ERO1A: variants seen among roughly 807,000 people sequenced by gnomAD.
ERO1A encodes the protein endoplasmic reticulum oxidoreductase 1 alpha.
A neutral mutation model predicts 76.9 loss-of-function variants in ERO1A; 49 were observed. That is an observed-to-expected ratio of 0.64 (90% confidence interval 0.51 to 0.81). The LOEUF is 0.81. Ranked by LOEUF, ERO1A falls within the 30% of genes least tolerant of loss-of-function variation. The pLI is 0.00. For synonymous variants in ERO1A, 174 were observed against 181.2 expected, an observed-to-expected ratio of 0.96 and a Z score of 0.32; for missense variants, 448 against 542.1, an observed-to-expected ratio of 0.83 and a Z score of 1.72.
intron 7 of ERO1A, chr14:52,664,075 T>C (rs2040322543): frequency 2.9e-6 from 1 of 344,100 alleles, no homozygotes; most frequent in African/African-American, 2.1e-5. Flanking sequence ...CATTTCCTAA[T>C]CACTTCTTCA....
chr14:52,668,808 T>G (rs1241245285), intron 6 of ERO1A, among the ~76,000 whole-genome samples: 1 of 148,528 alleles, frequency 6.7e-6, no homozygotes, highest in African/African-American at 2.4e-5. Context: ...ACAATTATAT[T>G]TGAAGTAATA....
chr14:52,667,417 C>T (rs2040448684), intron 6 of ERO1A, among the ~76,000 whole-genome samples: 1 of 152,012 alleles, frequency 6.6e-6, no homozygotes, highest in African/African-American at 2.4e-5. Context: ...AACTTCAAAA[C>T]AAAAAAGATG....
chr14:52,670,503 C>G (rs1033826256), intron 6 of ERO1A, among the ~76,000 whole-genome samples: 12 of 152,188 alleles, frequency 7.9e-5, no homozygotes, highest in Non-Finnish European at 1.8e-4. Flanking sequence ...CCTCAGCCTC[C>G]TGAGTAGCTG....
chr14:52,652,379 T>A, intron 12 of ERO1A, 71 bp from the exon 13 acceptor site: 1 of 998,666 alleles, frequency 1.0e-6, no homozygotes, highest in Non-Finnish European at 1.6e-6. Context: ...ATACAACATT[T>A]TACTGGTCAT....
In ERO1A at chr14:52,653,255, C is replaced by A. The variant is rs771216182; in HGVS notation, c.869G>T (p.Gly290Val). The A allele has an allele frequency of 9.9e-6, 16 of 1,612,308 alleles. No individual in the cohort carries two copies. The East Asian group carries it at 3.6e-4, about 36-fold the overall frequency. ...NITEFQQRFD[G>V]ILTEGEGPRR... The stretch of plus-strand genomic sequence containing the variant: ...TGGACCTTCTCCTTCAGTCAAAATT[C>A]CATCAAATCGCTGTTGAAATTCTGT... The change falls in exon 12 of 16, where the codon GGA becomes GTA. Residue 290 changes from glycine to valine, a missense_variant. Coordinates refer to ENST00000395686, the MANE Select transcript of ERO1A (RefSeq NM_014584.3).
intron 11 of ERO1A, among the ~76,000 whole-genome samples, chr14:52,655,850 G>A (rs966189210): frequency 2.0e-5 from 3 of 151,866 alleles, no homozygotes; most frequent in East Asian, 1.9e-4. Context: ...CATAAGCAAC[G>A]CCTGCCCTTT....
At chr14:52,677,258 C>G (rs560817247) in intron 4 of ERO1A, among the ~76,000 whole-genome samples, 29 of 152,140 alleles carry the variant, frequency 1.9e-4, no homozygotes, top group African/African-American at 6.8e-4. Context: ...TATAATGAAG[C>G]TAGTGATCAA....
chr14:52,684,281 T>C (rs565397638), intron 1 of ERO1A, among the ~76,000 whole-genome samples: 4 of 152,108 alleles, frequency 2.6e-5, no homozygotes, highest in African/African-American at 9.7e-5. Context: ...GAATTGAGAA[T>C]AACAGGGAAA....
intron 12 of ERO1A, among the ~76,000 whole-genome samples, chr14:52,652,686 T>C (rs915584674): frequency 5.7e-4 from 87 of 152,292 alleles, no homozygotes; most frequent in African/African-American, 1.7e-3. Context: ...AGTTTTCCTT[T>C]CTCTAAATGA....
chr14:52,688,892 A>G (rs1295833433), intron 1 of ERO1A, among the ~76,000 whole-genome samples: 3 of 152,236 alleles, frequency 2.0e-5, no homozygotes, highest in Non-Finnish European at 4.4e-5. Flanking sequence ...ATACCAATAT[A>G]TTCTAGTCTT....
chr14:52,681,864 T>TAA (rs2041007691), intron 3 of ERO1A, among the ~76,000 whole-genome samples: 1 of 152,180 alleles, frequency 6.6e-6, no homozygotes, highest in Admixed American at 6.5e-5. Flanking sequence ...GCTATATATA[T>TAA]AACTTGGTTC....
At position 52,646,516 on chromosome 14, in the gene ERO1A, G is replaced by A. The variant is rs181698818; in HGVS notation, c.1126-55C>T. On this transcript the variant is annotated intron_variant, in intron 13 of 15. Coordinates refer to ENST00000395686, the MANE Select transcript of ERO1A (RefSeq NM_014584.3). ...GATGTAATATACAGTCAATTAGTAA[G>A]TATTTTCTGAGCAGGTTCTATGTGC... 269 of 1,399,282 alleles carry A rather than the reference G, an allele frequency of 1.9e-4. 2 individuals are homozygous for A. In the East Asian group the frequency reaches 5.1e-3, roughly 27 times the overall value. 86.7% of individuals were successfully genotyped at this position (1,399,282 alleles called of 1,614,324 possible). A position where few individuals can be genotyped will look rare whatever the true frequency, so the allele number is the denominator to read the frequency against.
intron 15 of ERO1A, among the ~76,000 whole-genome samples, chr14:52,644,813 C>T (rs945811566): frequency 6.6e-6 from 1 of 151,920 alleles, no homozygotes; most frequent in Non-Finnish European, 1.5e-5. Flanking sequence ...CTTAGCTCTG[C>T]TCTCGATCAT....
At chr14:52,680,091 A>C (rs1387858249) in intron 3 of ERO1A, among the ~76,000 whole-genome samples, 12 of 151,414 alleles carry the variant, frequency 7.9e-5, no homozygotes, top group Non-Finnish European at 1.0e-4. Flanking sequence ...ACAAAAAAAA[A>C]AAAAAAAAAA....
intron 13 of ERO1A, chr14:52,646,684 C>G: frequency 2.6e-6 from 1 of 388,476 alleles, no homozygotes; most frequent in East Asian, 3.9e-5. Context: ...TAATCTACAC[C>G]TAATGAATGT....
chr14:52,656,342 T>A (rs1594822153), intron 11 of ERO1A, among the ~76,000 whole-genome samples: 1 of 151,908 alleles, frequency 6.6e-6, no homozygotes, highest in Admixed American at 6.6e-5. Context: ...TGAAAAAAAA[T>A]AATAGTCAAA....
At chr14:52,650,423 C>A (rs2039816672) in intron 13 of ERO1A, among the ~76,000 whole-genome samples, 1 of 148,848 alleles carries the variant, frequency 6.7e-6, no homozygotes, top group Non-Finnish European at 1.5e-5. Context: ...GAGGTACTAA[C>A]TTTATTTTTA....
At chr14:52,669,542 C>T (rs747944332) in intron 6 of ERO1A, among the ~76,000 whole-genome samples, 3 of 152,092 alleles carry the variant, frequency 2.0e-5, no homozygotes, top group Non-Finnish European at 2.9e-5. Context: ...ATGCGTGTCT[C>T]GGCTGGAATG....
intron 13 of ERO1A, among the ~76,000 whole-genome samples, chr14:52,648,780 A>C (rs113102698): frequency 1.3e-5 from 2 of 152,326 alleles, no homozygotes; most frequent in East Asian, 3.9e-4. Flanking sequence ...AAATACTTGA[A>C]TGTGACAGCT....
Sources: allele counts gnomAD v4.1 joint callset (sites outside exome capture counted in the v4.1 genomes callset), GRCh38; gene constraint gnomAD v4.1.1; transcripts MANE v1.5; gene names NCBI Gene and HGNC (gene_info 2026-07-23, HGNC 2026-07-21).